Variants in BPIFB6 observed in about 807,000 individuals in gnomAD.
BPIFB6 encodes BPI fold-containing family B member 6.
Under a neutral mutation model 54.7 loss-of-function variants are expected in BPIFB6, and 47 were observed. The observed-to-expected ratio is 0.86, with a 90% CI of 0.68 to 1.10. The LOEUF (loss-of-function observed/expected upper bound fraction) is 1.10, where lower values mean the gene tolerates loss of function less well. Among genes scored for constraint, BPIFB6 ranks in the 50% least tolerant of loss-of-function variants. The pLI is 0.00. For missense variants in BPIFB6, 603 were observed against 564.1 expected (o/e 1.07, Z -0.70); for synonymous variants, 255 against 225.9 (o/e 1.13, Z -1.16).
In BPIFB6 at chr20:33,034,405, A is replaced by G. The variant is rs1415970402; in HGVS notation, c.302+115A>G. The G allele has an allele frequency of 1.3e-5, 10 of 791,758 alleles. No individual in the cohort carries two copies. In the East Asian group the frequency reaches 2.1e-4, roughly 16 times the overall value. 49.0% of individuals were successfully genotyped at this position (791,758 alleles called of 1,614,324 possible). A position where few individuals can be genotyped will look rare whatever the true frequency, so the allele number is the denominator to read the frequency against. On this transcript the variant is annotated intron_variant, in intron 3 of 14. Transcript: ENST00000349552. ...CATCTGAGTGTTGTAATCTGGGATG[A>G]TGTAGACTTGGTCCCTACCTTTGTC...
At chr20:33,034,164 G>A (rs1225635529) in intron 2 of BPIFB6, 22 bp from the exon 3 acceptor site, 2 of 1,576,114 alleles carry the variant, frequency 1.3e-6, no homozygotes, top group South Asian at 1.1e-5. Context: ...TCTTATTGGT[G>A]TGGCTGCCTG....
In BPIFB6 at chr20:33,037,747, T is replaced by C. The variant is rs769612174; in HGVS notation, c.846+9T>C. ...ATATCCAGGATACAATGGTGAGCTGTCCAGTTCCCCATTTCCATCTGCCTC... is the reference window on the plus strand; with the variant it reads ...ATATCCAGGATACAATGGTGAGCTGCCCAGTTCCCCATTTCCATCTGCCTC... On this transcript the variant is annotated intron_variant, in intron 8 of 14. Transcript: ENST00000349552. 4 of 1,613,432 alleles carry C rather than the reference T, an allele frequency of 2.5e-6. 1 individual carries two copies. The South Asian group carries it at 4.4e-5, about 18-fold the overall frequency.
At chr20:33,033,113 TG>T (rs762409756) in intron 2 of BPIFB6, 30 bp downstream of exon 2, 1 of 1,542,120 alleles carries the variant, frequency 6.5e-7, no homozygotes, top group African/African-American at 1.4e-5. Flanking sequence ...TGGAGGGTGG[TG>T]GTTAGGGCAG....
chr20:33,034,069 A>T, intron 2 of BPIFB6, 117 bp from the exon 3 acceptor site: 1 of 755,664 alleles, frequency 1.3e-6, no homozygotes, highest in Non-Finnish European at 2.4e-6. Context: ...TACCCCCATG[A>T]CATGGGATAG....
At chr20:33,041,574 A>C (rs1480627122) in intron 11 of BPIFB6, among the ~76,000 whole-genome samples, 1 of 152,084 alleles carries the variant, frequency 6.6e-6, no homozygotes, top group Non-Finnish European at 1.5e-5. Flanking sequence ...AACATATGTT[A>C]GTGCCTCCTG....
chr20:33,039,560 C>T (rs1474094123), intron 10 of BPIFB6, 40 bp downstream of exon 10: 13 of 1,575,840 alleles, frequency 8.2e-6, no homozygotes, highest in Non-Finnish European at 1.1e-5. Context: ...TTCCCAATCT[C>T]TTGGATATTC....
intron 10 of BPIFB6, 64 bp from the exon 11 acceptor site, chr20:33,040,187 G>A: frequency 6.8e-7 from 1 of 1,478,176 alleles, no homozygotes; most frequent in East Asian, 2.3e-5. Flanking sequence ...GTGGTCTCTG[G>A]CTTTGCCAGC....
At chr20:33,044,053 G>A (rs775677034), downstream of BPIFB6, 24 of 1,614,102 alleles carry the variant, frequency 1.5e-5, no homozygotes, top group South Asian at 2.5e-4. Context: ...GCTGACCATG[G>A]CAGGACTCCC....
At chr20:33,032,207 G>C (rs1004029909) in intron 1 of BPIFB6, among the ~76,000 whole-genome samples, 1 of 152,196 alleles carries the variant, frequency 6.6e-6, no homozygotes. Context: ...TCTTGGAGGA[G>C]ACCTTAGTAA....
At chr20:33,033,437 A>G in intron 2 of BPIFB6, 1 of 459,286 alleles carries the variant, frequency 2.2e-6, no homozygotes, top group Non-Finnish European at 4.4e-6. Flanking sequence ...GGCATCAACA[A>G]TCATCTAATG....
At chr20:33,038,619 T>C (rs1979444312) in intron 8 of BPIFB6, among the ~76,000 whole-genome samples, 1 of 152,224 alleles carries the variant, frequency 6.6e-6, no homozygotes, top group Non-Finnish European at 1.5e-5. Flanking sequence ...CAAATATGTC[T>C]ACCCATCCCC....
chr20:33,043,350 G>A lies in BPIFB6; in HGVS notation c.1312G>A (p.Glu438Lys), dbSNP rs1306976065. ...DFLAMNYNLA[E>K]LDIVENALML... ...TCTGGCCATGAATTACAACCTGGCT[G>A]AGCTGGACATAGTAGAGGTGAGAGG... The change falls in exon 14 of 15, where the codon GAG (glutamate) becomes AAG (lysine). Residue 438 changes from glutamate to lysine, a missense_variant. Physicochemically the swap from Glu to Lys is moderately conservative, Grantham distance 56. Coordinates refer to ENST00000349552, the MANE Select transcript of BPIFB6 (RefSeq NM_174897.2). 6.2e-7 allele frequency: 1 copy of A among 1,614,198 alleles called. No individual in the cohort carries two copies. The highest frequency in any genetic ancestry group is 1.3e-5 in the African/African-American group (1 of 75,042).
chr20:33,043,326 C>T lies in BPIFB6; in HGVS notation c.1288C>T (p.Leu430=). ...LQVGLPLPDF[L]AMNYNLAELD... ...AGTGGGGCTCCCACTCCCGGACTTT[C>T]TGGCCATGAATTACAACCTGGCTGA... Residue 430 remains leucine, a synonymous_variant, in exon 14 of 15, where the codon CTG becomes TTG. Transcript: ENST00000349552. 1 of 1,614,182 alleles carries T rather than the reference C, an allele frequency of 6.2e-7. No homozygotes were observed. Among genetic ancestry groups the T allele is most frequent in the Non-Finnish European group, 8.5e-7 (1 of 1,180,036 alleles).
chr20:33,036,607 C>A, intron 7 of BPIFB6, 71 bp downstream of exon 7: 1 of 1,395,574 alleles, frequency 7.2e-7, no homozygotes, highest in Non-Finnish European at 1.0e-6. Context: ...GATGCTTCTG[C>A]CAGGACAGGT....
At chr20:33,038,168 G>T (rs1979424621) in intron 8 of BPIFB6, among the ~76,000 whole-genome samples, 1 of 151,992 alleles carries the variant, frequency 6.6e-6, no homozygotes, top group African/African-American at 2.4e-5. Flanking sequence ...ATGAATGTAT[G>T]CACCTGCCAT....
At chr20:33,042,042 T>A in intron 12 of BPIFB6, 27 bp downstream of exon 12, 1 of 1,608,674 alleles carries the variant, frequency 6.2e-7, no homozygotes, top group Non-Finnish European at 8.5e-7. Flanking sequence ...CTCTTGCCTG[T>A]CCGGCGTGAG....
At position 33,041,591 on chromosome 20, in the gene BPIFB6, G is replaced by C. The variant is rs192294745; in HGVS notation, c.1143-379G>C. On this transcript the variant is annotated intron_variant, in intron 11 of 14. Coordinates refer to ENST00000349552, the MANE Select transcript of BPIFB6 (RefSeq NM_174897.2). ...CATATGTTAGTGCCTCCTGGAGGCT[G>C]TACAGGGACGGGGCTGGGGGAAGGG... Among the ~76,000 whole-genome samples the C allele has an allele frequency of 3.4e-3, 518 of 152,196 alleles. 5 individuals carry two copies. The highest frequency in any genetic ancestry group is 2.5e-3 in the Non-Finnish European group (172 of 68,010).
In BPIFB6 at chr20:33,031,716, G is replaced by T. The variant is rs770600762; in HGVS notation, c.69G>T (p.Leu23=). Residue 23 remains leucine (L), a synonymous_variant, in exon 1 of 15, where the codon CTG becomes CTT. Coordinates refer to ENST00000349552, the MANE Select transcript of BPIFB6 (RefSeq NM_174897.2). ...LTGTRADPGA[L]LRLGMDIMNQ... ...GCACGCGAGCTGACCCTGGGGCACT[G>T]CTGCGGTTGGGCATGGACATCATGA... The T allele has an allele frequency of 6.2e-7, 1 of 1,614,008 alleles. No individual in the cohort carries two copies. The highest frequency in any genetic ancestry group is 8.5e-7 in the Non-Finnish European group (1 of 1,180,014).
intron 13 of BPIFB6, 74 bp downstream of exon 13, chr20:33,042,952 T>C: frequency 7.1e-7 from 1 of 1,416,004 alleles, no homozygotes; most frequent in African/African-American, 1.4e-5. Flanking sequence ...ACCTGGGTGG[T>C]CTCAAAGCCC....
Sources: allele counts gnomAD v4.1 joint callset (sites outside exome capture counted in the v4.1 genomes callset), GRCh38; gene constraint gnomAD v4.1.1; transcripts MANE v1.5; gene names NCBI Gene and HGNC (gene_info 2026-07-23, HGNC 2026-07-21).